PEBP4: variants seen among roughly 807,000 people sequenced by gnomAD.
PEBP4 encodes phosphatidylethanolamine-binding protein 4.
In PEBP4, 22 loss-of-function variants were observed where a neutral mutation model predicts 23.9. That is an observed-to-expected ratio of 0.92 (90% CI 0.66 to 1.31). The LOEUF (loss-of-function observed/expected upper bound fraction) is 1.31. PEBP4 is among the 40% of genes most tolerant of loss of function. The pLI is 0.00. For missense variants in PEBP4, 324 were observed against 281.7 expected (o/e 1.15, Z -1.07); for synonymous variants, 112 against 99.3 (o/e 1.13, Z -0.76).
chr8:22,767,809 G>T (rs545175507), intron 4 of PEBP4, among the ~76,000 whole-genome samples: 1 of 151,974 alleles, frequency 6.6e-6, no homozygotes, highest in East Asian at 1.9e-4. Context: ...CGCTGGGCTC[G>T]GCTCACTGCA....
chr8:22,920,157 C>T lies in PEBP4; in HGVS notation c.258+27G>A, dbSNP rs376293401. ...ACATCAAGACCCCCAACTGTCCCCC[C>T]GCTTTAACACAGCCCTGCTCACTCA... On this transcript the variant is annotated intron_variant, in intron 3 of 6. Transcript: ENST00000256404. 26 of 1,594,708 alleles carry T rather than the reference C, an allele frequency of 1.6e-5. No individual in the cohort carries two copies. In the Middle Eastern group the frequency reaches 1.5e-3, roughly 94 times the overall value.
intron 3 of PEBP4, among the ~76,000 whole-genome samples, chr8:22,871,573 T>TC (rs1808008164): frequency 1.3e-5 from 2 of 149,930 alleles, no homozygotes. Flanking sequence ...TTTTTTTTTT[T>TC]AAGACCGAGT....
intron 3 of PEBP4, among the ~76,000 whole-genome samples, chr8:22,902,146 C>CCTAAAAATACAAAAATTA (rs1227651933): frequency 5.9e-5 from 9 of 152,062 alleles, no homozygotes; most frequent in African/African-American, 1.7e-4. Flanking sequence ...TGGACAAACC[C>CCTAAAAATACAAAAATTA]CTAAAAATAC....
At chr8:22,853,946 A>G (rs972453011) in intron 3 of PEBP4, among the ~76,000 whole-genome samples, 7 of 152,368 alleles carry the variant, frequency 4.6e-5, no homozygotes, top group Non-Finnish European at 1.0e-4. Flanking sequence ...GATCCTAGTT[A>G]GCAAGAACAA....
rs200937439 is a variant in PEBP4 at position 22,753,746 on chromosome 8, C to A, written c.358-26526G>T. Among the ~76,000 whole-genome samples, 61 of 152,266 alleles carry A rather than the reference C, an allele frequency of 4.0e-4. 1 individual carries two copies. The East Asian group carries it at 0.011, about 28-fold the overall frequency. On this transcript the variant is annotated intron_variant, in intron 4 of 6. Transcript: ENST00000256404. Reference sequence around the variant, plus strand: ...TCTGGGGCTTTGCCGGGCTGGTGGCCGCCTCAACATTGGCTTTGGGATGAA... The same window carrying A: ...TCTGGGGCTTTGCCGGGCTGGTGGCAGCCTCAACATTGGCTTTGGGATGAA...
intron 4 of PEBP4, among the ~76,000 whole-genome samples, chr8:22,810,666 AGG>A (rs1218384287): frequency 3.1e-5 from 3 of 96,248 alleles, no homozygotes; most frequent in South Asian, 3.9e-4. Context: ...TGTCTCATGG[AGG>A]GGTGTGTGTG....
intron 3 of PEBP4, among the ~76,000 whole-genome samples, chr8:22,910,378 G>A (rs1012641441): frequency 6.6e-5 from 10 of 152,260 alleles, no homozygotes; most frequent in Non-Finnish European, 1.0e-4. Context: ...CGTGGGATCT[G>A]CCTATTTTCT....
At chr8:22,727,545 C>T (rs1375520850) in intron 4 of PEBP4, among the ~76,000 whole-genome samples, 1 of 152,122 alleles carries the variant, frequency 6.6e-6, no homozygotes, top group Non-Finnish European at 1.5e-5. Context: ...AGCTGTTCCA[C>T]GATCCCTATT....
intron 3 of PEBP4, among the ~76,000 whole-genome samples, chr8:22,902,842 G>C (rs561599832): frequency 2.0e-5 from 3 of 152,332 alleles, no homozygotes; most frequent in Non-Finnish European, 4.4e-5. Context: ...AGAATGCATT[G>C]GACATACCTG....
intron 5 of PEBP4, among the ~76,000 whole-genome samples, chr8:22,725,527 C>T (rs1168039376): frequency 6.6e-6 from 1 of 151,944 alleles, no homozygotes; most frequent in Non-Finnish European, 1.5e-5. Context: ...CTCTCCCAGT[C>T]CTTCTCTCTC....
intron 3 of PEBP4, among the ~76,000 whole-genome samples, chr8:22,823,442 CAT>C (rs1806899960): frequency 6.6e-6 from 1 of 151,686 alleles, no homozygotes; most frequent in Non-Finnish European, 1.5e-5. Flanking sequence ...TTTATATACT[CAT>C]ATAAGAAATT....
chr8:22,896,849 G>A (rs1808598763), intron 3 of PEBP4, among the ~76,000 whole-genome samples: 1 of 151,544 alleles, frequency 6.6e-6, no homozygotes, highest in South Asian at 2.1e-4. Context: ...GTATACTGAT[G>A]TACTTGATAG....
intron 4 of PEBP4, among the ~76,000 whole-genome samples, chr8:22,808,664 C>T (rs887633727): frequency 6.6e-6 from 1 of 152,150 alleles, no homozygotes. Flanking sequence ...AGTTGCCTCA[C>T]GGAGATGAGG....
chr8:22,736,041 G>T (rs771793536), intron 4 of PEBP4, among the ~76,000 whole-genome samples: 1 of 152,036 alleles, frequency 6.6e-6, no homozygotes, highest in Non-Finnish European at 1.5e-5. Context: ...TGGCAGCTTC[G>T]AGCCCCTGGT....
At chr8:22,915,178 G>C (rs1006293087) in intron 3 of PEBP4, among the ~76,000 whole-genome samples, 4 of 152,044 alleles carry the variant, frequency 2.6e-5, no homozygotes, top group African/African-American at 7.2e-5. Flanking sequence ...TGGGCACCTT[G>C]CCTTCAATCT....
intron 3 of PEBP4, among the ~76,000 whole-genome samples, chr8:22,912,993 T>A (rs1172308070): frequency 6.6e-6 from 1 of 152,226 alleles, no homozygotes; most frequent in African/African-American, 2.4e-5. Context: ...CCTCTGCCTC[T>A]GGGCCTCAAA....
intron 4 of PEBP4, chr8:22,798,660 T>TCAATGGCA (rs1474840605): frequency 2.6e-5 from 4 of 152,346 alleles, no homozygotes; most frequent in African/African-American, 9.7e-5. Flanking sequence ...TAAACTTTCT[T>TCAATGGCA]CAATGGCATT....
At chr8:22,715,753 G>T (rs1804403590) in intron 6 of PEBP4, among the ~76,000 whole-genome samples, 1 of 152,226 alleles carries the variant, frequency 6.6e-6, no homozygotes, top group Admixed American at 6.5e-5. Context: ...GTGCCGGCTA[G>T]CCTCTTGCTG....
chr8:22,906,626 T>TCCATCA (rs1808820699), intron 3 of PEBP4, among the ~76,000 whole-genome samples: 1 of 152,250 alleles, frequency 6.6e-6, no homozygotes, highest in South Asian at 2.1e-4. Flanking sequence ...GAGATGACTG[T>TCCATCA]CCATCACCAT....
Sources: allele counts gnomAD v4.1 joint callset (sites outside exome capture counted in the v4.1 genomes callset), GRCh38; gene constraint gnomAD v4.1.1; transcripts MANE v1.5; gene names NCBI Gene and HGNC (gene_info 2026-07-23, HGNC 2026-07-21).